The following IL17RD variants were observed in gnomAD, a reference collection of about 807,000 sequenced individuals.
IL17RD encodes the protein interleukin-17 receptor D.
In IL17RD, 52 loss-of-function variants were observed where a neutral mutation model predicts 80.5. That is an observed-to-expected ratio of 0.65 (90% CI 0.52 to 0.81). The LOEUF is 0.81. Among genes scored for constraint, IL17RD ranks in the 40% least tolerant of loss-of-function variants. IL17RD has a pLI of 0.00. For synonymous variants in IL17RD, 416 were observed against 391.8 expected, an observed-to-expected ratio of 1.06 and a Z score of -0.73; for missense variants, 1,024 against 955.1, an observed-to-expected ratio of 1.07 and a Z score of -0.95.
intron 12 of IL17RD, among the ~76,000 whole-genome samples, chr3:57,096,847 T>C (rs1045444366): frequency 5.3e-5 from 8 of 152,048 alleles, no homozygotes; most frequent in African/African-American, 1.9e-4. Context: ...CAATCTCTAC[T>C]AAAGATACAA....
At chr3:57,105,389 T>C (rs1326764536) in intron 7 of IL17RD, among the ~76,000 whole-genome samples, 2 of 150,324 alleles carry the variant, frequency 1.3e-5, no homozygotes, top group African/African-American at 4.9e-5. Flanking sequence ...ATACAAAAAT[T>C]AGTTGGGTGT....
At chr3:57,115,895 G>C (rs930858004) in intron 2 of IL17RD, among the ~76,000 whole-genome samples, 1 of 152,146 alleles carries the variant, frequency 6.6e-6, no homozygotes, top group Non-Finnish European at 1.5e-5. Flanking sequence ...GAAGCTCTGT[G>C]AGTCTCCCTT....
chr3:57,103,054 T>C, intron 9 of IL17RD, 37 bp downstream of exon 9: 2 of 1,476,608 alleles, frequency 1.4e-6, no homozygotes, highest in Non-Finnish European at 1.9e-6. Context: ...TGGTCTATAG[T>C]AGTCTAGAGC....
intron 1 of IL17RD, among the ~76,000 whole-genome samples, chr3:57,160,301 G>A (rs1318110371): frequency 6.7e-6 from 1 of 149,696 alleles, no homozygotes; most frequent in Non-Finnish European, 1.5e-5. Flanking sequence ...AGCCTTGAAA[G>A]CTTTAAAAAA....
chr3:57,127,874 C>A (rs1182306593), intron 1 of IL17RD, among the ~76,000 whole-genome samples: 1 of 152,168 alleles, frequency 6.6e-6, no homozygotes, highest in Non-Finnish European at 1.5e-5. Flanking sequence ...TGACTCCATG[C>A]CAGTTCAGAT....
intron 1 of IL17RD, among the ~76,000 whole-genome samples, chr3:57,155,970 C>G (rs1057267831): frequency 1.3e-5 from 2 of 152,174 alleles, no homozygotes; most frequent in African/African-American, 4.8e-5. Flanking sequence ...TACTTGCAAA[C>G]ACCCATTGCT....
chr3:57,165,691 G>C (rs1327115276), upstream of IL17RD, among the ~76,000 whole-genome samples: 1 of 152,090 alleles, frequency 6.6e-6, no homozygotes, highest in Non-Finnish European at 1.5e-5. Flanking sequence ...ATAAACACCT[G>C]CTATGTGCCA....
At chr3:57,137,899 T>C (rs1707758959) in intron 1 of IL17RD, among the ~76,000 whole-genome samples, 1 of 152,182 alleles carries the variant, frequency 6.6e-6, no homozygotes, top group Non-Finnish European at 1.5e-5. Context: ...ATAAGAAGAC[T>C]CAAAGCAAAG....
In IL17RD at chr3:57,102,674, G is replaced by C. The variant is rs1039920428; in HGVS notation, c.869-85C>G. On this transcript the variant is annotated intron_variant, in intron 9 of 12. Transcript: ENST00000296318. ...CAACTTTTTTTCTTTTTAAACATAAGCCGCATAACAGGTTCTAGGACCATG... is the reference window on the plus strand; with the variant it reads ...CAACTTTTTTTCTTTTTAAACATAACCCGCATAACAGGTTCTAGGACCATG... 2.3e-5 allele frequency: 14 copies of C among 596,926 alleles called. No homozygotes were observed. The Admixed American group carries it at 4.1e-4, about 17-fold the overall frequency. 37.0% of individuals were successfully genotyped at this position (596,926 alleles called of 1,614,324 possible). A position where few individuals can be genotyped will look rare whatever the true frequency, so the allele number is the denominator to read the frequency against.
At chr3:57,135,727 A>C (rs1707710973) in intron 1 of IL17RD, among the ~76,000 whole-genome samples, 1 of 152,216 alleles carries the variant, frequency 6.6e-6, no homozygotes, top group Non-Finnish European at 1.5e-5. Context: ...AGCCTAATAA[A>C]GTGAGTTAGG....
At chr3:57,152,162 G>A (rs983725088) in intron 1 of IL17RD, among the ~76,000 whole-genome samples, 7 of 152,066 alleles carry the variant, frequency 4.6e-5, no homozygotes, top group African/African-American at 9.7e-5. Flanking sequence ...CAGAGCAAAC[G>A]AGACCAAGCA....
At chr3:57,163,803 A>AGGGGGGGGGGGGGGGGGGGGGGG (rs1401715931) in intron 1 of IL17RD, among the ~76,000 whole-genome samples, 3 of 5,526 alleles carry the variant, frequency 5.4e-4, no homozygotes, top group African/African-American at 7.7e-4. Context: ...CGGGGGGGGA[A>AGGGGGGGGGGGGGGGGGGGGGGG]GGGGGTGGCG....
At chr3:57,158,555 C>A (rs1011603697) in intron 1 of IL17RD, among the ~76,000 whole-genome samples, 7 of 152,026 alleles carry the variant, frequency 4.6e-5, no homozygotes. Flanking sequence ...CCTATTAAGT[C>A]CCCCCCTTTA....
intron 1 of IL17RD, among the ~76,000 whole-genome samples, chr3:57,164,715 T>C (rs1294533833): frequency 6.6e-6 from 1 of 152,140 alleles, no homozygotes; most frequent in Non-Finnish European, 1.5e-5. Flanking sequence ...CGCCCGGGCC[T>C]TAGCAGGGTT....
chr3:57,101,058 G>A, intron 11 of IL17RD, 121 bp downstream of exon 11: 1 of 684,022 alleles, frequency 1.5e-6, no homozygotes, highest in East Asian at 2.7e-5. Context: ...TTTGAAAGCT[G>A]TGGCACTAGT....
At position 57,093,020 on chromosome 3, in the gene IL17RD, T is replaced by C. The variant is rs1269587599; in HGVS notation, c.*3373A>G. On this transcript the variant is annotated 3_prime_UTR_variant, in exon 13 of 13. Coordinates refer to ENST00000296318, the MANE Select transcript of IL17RD (RefSeq NM_017563.5). ...CAGATTGTCAGCTTTTCTTGAAAAA[T>C]GGGAAGATCAGGAAGTACTTCATGG... is the stretch of plus-strand genomic sequence containing the variant. 6.6e-6 allele frequency: 1 copy of C among 152,110 alleles called. No individual in the cohort carries two copies. Among genetic ancestry groups the C allele is most frequent in the African/African-American group, 2.4e-5 (1 of 41,426 alleles). The allele number at this position is 152,110 out of a possible 1,614,324, so 9.4% of individuals were successfully genotyped here.
At chr3:57,123,360 C>A in intron 1 of IL17RD, among the ~76,000 whole-genome samples, 1 of 152,228 alleles carries the variant, frequency 6.6e-6, no homozygotes, top group East Asian at 1.9e-4. Flanking sequence ...TGATGTGACA[C>A]CTGCCTACCT....
intron 7 of IL17RD, among the ~76,000 whole-genome samples, chr3:57,105,552 A>AAAAAAAAAAAAAATATAT: frequency 6.0e-4 from 38 of 63,584 alleles, no homozygotes; most frequent in African/African-American, 2.5e-3. Flanking sequence ...AAAAAAAAAA[A>AAAAAAAAAAAAAATATAT]ATATATATAT....
At chr3:57,114,400 T>C (rs1209755505) in intron 3 of IL17RD, among the ~76,000 whole-genome samples, 5 of 152,180 alleles carry the variant, frequency 3.3e-5, no homozygotes, top group African/African-American at 1.2e-4. Flanking sequence ...CACCGCTGAC[T>C]AGGGCTGAGA....
Sources: allele counts gnomAD v4.1 joint callset (sites outside exome capture counted in the v4.1 genomes callset), GRCh38; gene constraint gnomAD v4.1.1; transcripts MANE v1.5; gene names NCBI Gene and HGNC (gene_info 2026-07-23, HGNC 2026-07-21).